MTHFD1: variants seen among roughly 807,000 people sequenced by gnomAD.
The protein encoded by MTHFD1 is C-1-tetrahydrofolate synthase, cytoplasmic.
MTHFD1 carries 44 observed loss-of-function variants against 110.3 expected under a neutral mutation model. The observed-to-expected ratio is 0.40, with a 90% confidence interval of 0.31 to 0.51. The LOEUF (loss-of-function observed/expected upper bound fraction) is 0.51. Among genes scored for constraint, MTHFD1 ranks in the 20% least tolerant of loss-of-function variants. The pLI is 0.60. For synonymous variants in MTHFD1, 402 were observed against 428.8 expected, an observed-to-expected ratio of 0.94 and a Z score of 0.77; for missense variants, 909 against 1,173.1, an observed-to-expected ratio of 0.77 and a Z score of 3.29.
At chr14:64,391,720 G>A (rs571019785) in intron 1 of MTHFD1, among the ~76,000 whole-genome samples, 3 of 152,174 alleles carry the variant, frequency 2.0e-5, no homozygotes, top group Admixed American at 6.5e-5. Context: ...TCTCCCTCAC[G>A]GGGAATTCTA....
chr14:64,426,918 G>C (rs945965897), intron 11 of MTHFD1, among the ~76,000 whole-genome samples: 7 of 152,134 alleles, frequency 4.6e-5, no homozygotes, highest in African/African-American at 1.4e-4. Flanking sequence ...ACAAGATAAA[G>C]TATATTTGCT....
Position 64,415,286 on chromosome 14 carries a change from G to A in MTHFD1, c.241-72G>A. 2.2e-6 allele frequency: 3 copies of A among 1,360,368 alleles called. No individual in the cohort carries two copies. The East Asian group carries it at 6.9e-5, about 31-fold the overall frequency. 84.3% of individuals were successfully genotyped at this position (1,360,368 alleles called of 1,614,324 possible). A position where few individuals can be genotyped will look rare whatever the true frequency, so the allele number is the denominator to read the frequency against. On this transcript the variant is annotated intron_variant, in intron 4 of 27. Transcript: ENST00000652337. ...GGGGAAATAGGGCAACCTAATTTTT[G>A]CCTTAGAAAGTGTTTCTTCCTACCT...
At chr14:64,423,782 A>T (rs1314112846) in intron 8 of MTHFD1, among the ~76,000 whole-genome samples, 3 of 151,332 alleles carry the variant, frequency 2.0e-5, no homozygotes, top group Admixed American at 2.0e-4. Context: ...GCTGGAGTGC[A>T]GTGACGCAAT....
intron 22 of MTHFD1, among the ~76,000 whole-genome samples, chr14:64,446,708 A>T (rs954531245): frequency 6.6e-6 from 1 of 151,970 alleles, no homozygotes; most frequent in Non-Finnish European, 1.5e-5. Flanking sequence ...TGTCCGGCTA[A>T]TTTTTTTGTA....
rs780948292 is a variant in MTHFD1 at position 64,440,112 on chromosome 14, T to C, written c.1675-14T>C. On this transcript the variant is annotated splice_polypyrimidine_tract_variant and intron_variant, in intron 17 of 27. Coordinates refer to ENST00000652337, the MANE Select transcript of MTHFD1 (RefSeq NM_005956.4). ...CACAAAGTTTTTGCTAGTACCTCTT[T>C]TCCCTGCCCACAGGCCCAGTTTGAT... is the stretch of plus-strand genomic sequence containing the variant. 1 of 1,610,278 alleles carries C rather than the reference T, an allele frequency of 6.2e-7. No homozygotes were observed. Among genetic ancestry groups the C allele is most frequent in the Non-Finnish European group, 8.5e-7 (1 of 1,177,934 alleles).
intron 8 of MTHFD1, among the ~76,000 whole-genome samples, chr14:64,423,903 AT>A (rs916080531): frequency 1.3e-5 from 2 of 150,554 alleles, no homozygotes; most frequent in African/African-American, 4.9e-5. Flanking sequence ...ATTTTTTTGT[AT>A]TTTTAGCAGA....
chr14:64,429,372 T>C (rs1224402487), intron 12 of MTHFD1, among the ~76,000 whole-genome samples: 1 of 150,954 alleles, frequency 6.6e-6, no homozygotes, highest in African/African-American at 2.4e-5. Flanking sequence ...GAGTCCCAGC[T>C]CAGGCTGGAG....
Position 64,439,184 on chromosome 14 carries a change from T to A in MTHFD1, c.1674+12T>A. ...GTCACACACGGACGGTAACAATTTG[T>A]CCCTTTCCAAGGAAATTAGTTCAGA... On this transcript the variant is annotated intron_variant, in intron 17 of 27. Transcript: ENST00000652337. 1 of 1,609,564 alleles carries A rather than the reference T, an allele frequency of 6.2e-7. No homozygotes were observed. Among genetic ancestry groups the A allele is most frequent in the Non-Finnish European group, 8.5e-7 (1 of 1,175,930 alleles).
chr14:64,446,697 A>C (rs964349558), intron 22 of MTHFD1, among the ~76,000 whole-genome samples: 1 of 151,936 alleles, frequency 6.6e-6, no homozygotes, highest in African/African-American at 2.4e-5. Context: ...ACCCACCATC[A>C]TGTCCGGCTA....
rs1446652326 is a variant in MTHFD1, at chr14:64,411,209, A to AC, written c.186+64dup. 1.5e-5 allele frequency: 20 copies of AC among 1,312,382 alleles called. No individual in the cohort carries two copies. In the Admixed American group the frequency reaches 2.9e-4, roughly 19 times the overall value. 81.3% of individuals were successfully genotyped at this position (1,312,382 alleles called of 1,614,324 possible). On this transcript the variant is annotated intron_variant, in intron 3 of 27. Transcript: ENST00000652337. ...AACCTCCACCTGGGTCCTATCGATT[A>AC]CCCCTTGCCCTTTTTGGTCCTCCCT...
intron 24 of MTHFD1, among the ~76,000 whole-genome samples, chr14:64,450,233 AT>A (rs1475006648): frequency 6.6e-6 from 1 of 152,246 alleles, no homozygotes; most frequent in Non-Finnish European, 1.5e-5. Flanking sequence ...AAGGTTACAT[AT>A]AGACCAAATA....
chr14:64,452,747 C>T (rs1170048384), intron 24 of MTHFD1, among the ~76,000 whole-genome samples: 1 of 152,178 alleles, frequency 6.6e-6, no homozygotes, highest in Non-Finnish European at 1.5e-5. Context: ...TGGCATCTGC[C>T]TCTCATATAC....
In MTHFD1 at chr14:64,458,277, A is replaced by G; in HGVS notation, c.2782A>G (p.Thr928Ala). 1 of 1,613,696 alleles carries G rather than the reference A, an allele frequency of 6.2e-7. No individual in the cohort carries two copies. The highest frequency in any genetic ancestry group is 8.5e-7 in the Non-Finnish European group (1 of 1,179,626). Residue 928 changes from threonine to alanine, a missense_variant, in exon 27 of 28, where the codon ACA becomes GCA. Coordinates refer to ENST00000652337, the MANE Select transcript of MTHFD1 (RefSeq NM_005956.4). The stretch of plus-strand genomic sequence containing the variant: ...TTATGATATTGATTTGGACCCTGAA[A>G]CAGAACAGGTGAATGGATTATTCTA... ...CFYDIDLDPE[T>A]EQVNGLF
At chr14:64,448,075 G>A in intron 22 of MTHFD1, 142 bp from the exon 23 acceptor site, 2 of 703,522 alleles carry the variant, frequency 2.8e-6, no homozygotes, top group South Asian at 3.0e-5. Flanking sequence ...AATGCACCAA[G>A]GGACCTTCTC....
chr14:64,409,211 C>T (rs539184248), intron 2 of MTHFD1, among the ~76,000 whole-genome samples: 25 of 152,214 alleles, frequency 1.6e-4, no homozygotes, highest in Admixed American at 1.2e-3. Flanking sequence ...ACAACATCTC[C>T]GAAGGAAAAT....
At chr14:64,431,161 A>G (rs1596547193) in intron 13 of MTHFD1, among the ~76,000 whole-genome samples, 1 of 142,732 alleles carries the variant, frequency 7.0e-6, no homozygotes, top group South Asian at 2.2e-4. Context: ...TGCAACCTCC[A>G]CCTCCCAAGT....
chr14:64,403,895 G>A (rs2077918614), intron 2 of MTHFD1, among the ~76,000 whole-genome samples: 1 of 152,190 alleles, frequency 6.6e-6, no homozygotes, highest in African/African-American at 2.4e-5. Flanking sequence ...CATCAAGGGT[G>A]GTCCTAGTGA....
At chr14:64,454,196 T>C (rs1330121247) in intron 25 of MTHFD1, among the ~76,000 whole-genome samples, 1 of 152,234 alleles carries the variant, frequency 6.6e-6, no homozygotes, top group African/African-American at 2.4e-5. Flanking sequence ...CACTGCAGCC[T>C]CTGACTCCTA....
intron 1 of MTHFD1, among the ~76,000 whole-genome samples, chr14:64,394,842 C>T (rs1359877669): frequency 2.6e-5 from 4 of 152,134 alleles, no homozygotes; most frequent in African/African-American, 9.7e-5. Flanking sequence ...TGAGGCTTTT[C>T]TCATTACAAG....
Sources: allele counts gnomAD v4.1 joint callset (sites outside exome capture counted in the v4.1 genomes callset), GRCh38; gene constraint gnomAD v4.1.1; transcripts MANE v1.5; gene names NCBI Gene and HGNC (gene_info 2026-07-23, HGNC 2026-07-21).